The following PIK3R6 variants were observed in gnomAD, a reference collection of about 807,000 sequenced individuals.
PIK3R6 encodes phosphoinositide 3-kinase regulatory subunit 6.
A neutral mutation model predicts 84.9 loss-of-function variants in PIK3R6; 91 were observed. The observed-to-expected ratio is 1.07, with a 90% CI of 0.90 to 1.28. The LOEUF is 1.28. Ranked by LOEUF, PIK3R6 falls within the 50% of genes most tolerant of loss-of-function variation. The pLI, the probability that PIK3R6 is intolerant of heterozygous loss-of-function variation, is 0.00. For synonymous variants in PIK3R6, 416 were observed against 411.4 expected, an observed-to-expected ratio of 1.01 and a Z score of -0.13; for missense variants, 996 against 985.1, an observed-to-expected ratio of 1.01 and a Z score of -0.15.
At chr17:8,818,580 C>T (rs1047688585) in intron 18 of PIK3R6, among the ~76,000 whole-genome samples, 2 of 151,998 alleles carry the variant, frequency 1.3e-5, no homozygotes, top group African/African-American at 4.8e-5. Context: ...ACCTGAGAGG[C>T]GGGGGTTGCA....
At chr17:8,815,506 GA>G (rs776044439) in intron 18 of PIK3R6, among the ~76,000 whole-genome samples, 201 of 109,916 alleles carry the variant, frequency 1.8e-3, no homozygotes, top group Middle Eastern at 4.6e-3. Flanking sequence ...CTCAGTCTCA[GA>G]AAAAAAAAAA....
At chr17:8,827,095 G>T (rs1168495535) in intron 13 of PIK3R6, 77 bp downstream of exon 13, 39 of 1,510,072 alleles carry the variant, frequency 2.6e-5, no homozygotes, top group Non-Finnish European at 3.3e-5. Context: ...TGCCTACTTG[G>T]GCTCCTCCGT....
At position 8,803,082 on chromosome 17, in the gene PIK3R6, G is replaced by A. The variant is rs956483466; in HGVS notation, c.*191C>T. 1.6e-5 allele frequency: 10 copies of A among 633,282 alleles called. 1 individual carries two copies. Among genetic ancestry groups the A allele is most frequent in the South Asian group, 4.0e-5 (2 of 50,604 alleles). The allele number at this position is 633,282 out of a possible 1,614,324, so 39.2% of individuals were successfully genotyped here. A position where few individuals can be genotyped will look rare whatever the true frequency, so the allele number is the denominator to read the frequency against. On this transcript the variant is annotated 3_prime_UTR_variant, in exon 20 of 20. Transcript: ENST00000619866. This position sits in a 1 kb window ranked among gnomAD's most constrained non-coding sequence, Gnocchi z 5.0. Reference sequence around the variant, plus strand: ...AGCGACAGCATTGCCTGGGCCATCCGTAGACCTCCATGTGGGCCCTTCCTC... The same window carrying A: ...AGCGACAGCATTGCCTGGGCCATCCATAGACCTCCATGTGGGCCCTTCCTC...
intron 8 of PIK3R6, 139 bp from the exon 9 acceptor site, chr17:8,833,184 G>GA: frequency 8.0e-7 from 1 of 1,249,980 alleles, no homozygotes; most frequent in Non-Finnish European, 1.1e-6. Context: ...AGCTTCCCCC[G>GA]AAGGCTTCTG....
chr17:8,827,189 G>A lies in PIK3R6; in HGVS notation c.1498C>T (p.His500Tyr). ...SNVNTLCPAIHKLAEMPPSLD... is the reference protein window; with the variant it reads ...SNVNTLCPAIYKLAEMPPSLD... ...TCCCCTACCATCTCAGCCAGCTTGT[G>A]GATGGCGGGGCACAGCGTGTTGACG... The change falls in exon 13 of 20, where the codon CAC becomes TAC. Residue 500 changes from histidine to tyrosine, a missense_variant. Physicochemically the swap from His to Tyr is moderately conservative, Grantham distance 83 (BLOSUM62 2). Transcript: ENST00000619866. The A allele has an allele frequency of 1.9e-6, 3 of 1,612,654 alleles. No individual in the cohort carries two copies. Among genetic ancestry groups the A allele is most frequent in the Non-Finnish European group, 2.5e-6 (3 of 1,179,354 alleles).
chr17:8,803,452 T>C lies in PIK3R6; in HGVS notation c.2109-23A>G. 6.3e-7 allele frequency: 1 copy of C among 1,579,230 alleles called. No homozygotes were observed. Among genetic ancestry groups the C allele is most frequent in the Non-Finnish European group, 8.6e-7 (1 of 1,164,274 alleles). ...AATCTGTGGGTGGAGAGAGACCAGC[T>C]CAGGTGACCCATCTGAGGGATCAGA... On this transcript the variant is annotated intron_variant, in intron 19 of 19. Transcript: ENST00000619866. The surrounding 1 kb of genome is among the most constrained non-coding windows in gnomAD (Gnocchi z 5.0).
At chr17:8,849,633 T>C in intron 2 of PIK3R6, 149 bp downstream of exon 2, 1 of 863,358 alleles carries the variant, frequency 1.2e-6, no homozygotes, top group South Asian at 3.6e-5. Context: ...AAGATGTTCT[T>C]ACATTTAGGC....
chr17:8,819,955 ATTTT>A (rs71361825), intron 17 of PIK3R6, among the ~76,000 whole-genome samples: 5 of 135,752 alleles, frequency 3.7e-5, no homozygotes, highest in African/African-American at 1.5e-4. Context: ...ATATATATAT[ATTTT>A]TTTTTTGAGA....
rs1034857589 is a variant in PIK3R6 at position 8,811,698 on chromosome 17, C to A, written c.1995+7385G>T. 1.3e-5 allele frequency among the ~76,000 whole-genome samples: 2 copies of A among 148,242 alleles called. 1 individual carries two copies. Among genetic ancestry groups the A allele is most frequent in the African/African-American group, 5.0e-5 (2 of 39,700 alleles). On this transcript the variant is annotated intron_variant, in intron 18 of 19. Coordinates refer to ENST00000619866, the MANE Select transcript of PIK3R6 (RefSeq NM_001010855.4). The stretch of plus-strand genomic sequence containing the variant: ...GAGTCACCTTTGCTCCAGTTCCCAA[C>A]AAGTTCCTCATTTCCATCTGAGACC...
intron 18 of PIK3R6, among the ~76,000 whole-genome samples, chr17:8,807,210 C>T (rs1270501691): frequency 2.0e-5 from 3 of 152,190 alleles, no homozygotes; most frequent in South Asian, 4.1e-4. Flanking sequence ...AACTCTCCTA[C>T]AGTGGATAGG....
intron 9 of PIK3R6, among the ~76,000 whole-genome samples, chr17:8,831,463 G>T (rs1040420257): frequency 6.6e-6 from 1 of 152,068 alleles, no homozygotes; most frequent in African/African-American, 2.4e-5. Context: ...GTTAGCAAGG[G>T]GCCACAAGGG....
chr17:8,851,389 G>C (rs1597433775), intron 1 of PIK3R6, among the ~76,000 whole-genome samples: 1 of 147,980 alleles, frequency 6.8e-6, no homozygotes, highest in Admixed American at 6.7e-5. Context: ...CCAGCTACTT[G>C]GGAGGCTGGG....
At chr17:8,819,958 T>TTTATATATATATATATA (rs2087681063) in intron 17 of PIK3R6, among the ~76,000 whole-genome samples, 4 of 134,736 alleles carry the variant, frequency 3.0e-5, no homozygotes, top group South Asian at 2.4e-4. Context: ...TATATATATT[T>TTTATATATATATATATA]TTTTTTTGAG....
Position 8,823,424 on chromosome 17 carries a change from C to T in PIK3R6, c.1589G>A (p.Gly530Asp). The T allele has an allele frequency of 1.3e-6, 2 of 1,523,664 alleles. No individual in the cohort carries two copies. The highest frequency in any genetic ancestry group is 1.8e-6 in the Non-Finnish European group (2 of 1,134,898). The allele number at this position is 1,523,664 out of a possible 1,614,324, so 94.4% of individuals were successfully genotyped here. The change falls in exon 14 of 20, where the codon GGC becomes GAC. Residue 530 changes from glycine to aspartate, a missense_variant. Physicochemically the swap from Gly to Asp is moderately conservative, Grantham distance 94 (BLOSUM62 -1). Coordinates refer to ENST00000619866, the MANE Select transcript of PIK3R6 (RefSeq NM_001010855.4). Reference sequence around the variant, plus strand: ...GATCTGGAAATAGATGGGTTGGGTGCCCATGCGGATGTAGTAGGTGATGAC... The same window carrying T: ...GATCTGGAAATAGATGGGTTGGGTGTCCATGCGGATGTAGTAGGTGATGAC... Reference protein sequence around the residue: ...LDVITYYIRMGTQPIYFQIYT... With the variant: ...LDVITYYIRMDTQPIYFQIYT...
intron 1 of PIK3R6, among the ~76,000 whole-genome samples, chr17:8,865,000 GC>G (rs2089374219): frequency 6.6e-6 from 1 of 152,126 alleles, no homozygotes. Context: ...GGTACAACAA[GC>G]CCAAGGACTG....
At position 8,823,534 on chromosome 17, in the gene PIK3R6, C is replaced by G. The variant is rs76059688; in HGVS notation, c.1516-37G>C. On this transcript the variant is annotated intron_variant, in intron 13 of 19. Coordinates refer to ENST00000619866, the MANE Select transcript of PIK3R6 (RefSeq NM_001010855.4). ...ACAGGGAATGTCTTCACCAACTCCC[C>G]CAAGGCCACTGTGGGAGATGCCATT... 2.5e-5 allele frequency: 35 copies of G among 1,416,018 alleles called. No individual in the cohort carries two copies. The East Asian group carries it at 7.7e-4, about 31-fold the overall frequency. 87.7% of individuals were successfully genotyped at this position (1,416,018 alleles called of 1,614,324 possible).
At chr17:8,822,565 G>T (rs2087774703) in intron 16 of PIK3R6, 22 bp downstream of exon 16, 2 of 1,613,346 alleles carry the variant, frequency 1.2e-6, no homozygotes, top group South Asian at 2.2e-5. Context: ...GCTACCTACT[G>T]ACCACGTCCA....
intron 13 of PIK3R6, 138 bp downstream of exon 13, chr17:8,827,034 C>G: frequency 1.0e-6 from 1 of 992,294 alleles, no homozygotes; most frequent in Non-Finnish European, 1.4e-6. Flanking sequence ...GGTCAAAGGT[C>G]AAGTGCAGCA....
At chr17:8,827,433 C>T (rs1039466716) in intron 12 of PIK3R6, 139 bp from the exon 13 acceptor site, 18 of 1,055,872 alleles carry the variant, frequency 1.7e-5, no homozygotes, top group South Asian at 1.4e-4. Context: ...GAAGACACGT[C>T]GTTGTTCTGT....
Sources: gnomAD v4.1 joint callset for allele counts (sites outside exome capture counted in the v4.1 genomes callset) on GRCh38, gnomAD v4.1.1 for gene constraint, Gnocchi (gnomAD v3.1) non-coding constraint, MANE v1.5 for transcripts, NCBI Gene and HGNC (gene_info 2026-07-23, HGNC 2026-07-21) for gene names.